Variants in RUNX1 observed in about 807,000 individuals in gnomAD.
RUNX1 encodes RUNX family transcription factor 1, also known as runt-related transcription factor 1.
RUNX1 carries 19 observed loss-of-function variants against 42.8 expected under a neutral mutation model. The observed-to-expected ratio is 0.44, with a 90% confidence interval of 0.31 to 0.65. RUNX1 has a LOEUF of 0.65. Ranked by LOEUF, RUNX1 falls within the 30% of genes least tolerant of loss-of-function variation. The probability of loss-of-function intolerance (pLI) is 0.07; values close to 1 mark genes in which losing one functional copy is unlikely to be tolerated. For missense variants in RUNX1, 528 were observed against 672.0 expected, an observed-to-expected ratio of 0.79 and a Z score of 2.37; for synonymous variants, 271 against 289.4, an observed-to-expected ratio of 0.94 and a Z score of 0.64.
chr21:34,996,370 C>T (rs2058995844), intron 2 of RUNX1, among the ~76,000 whole-genome samples: 1 of 151,946 alleles, frequency 6.6e-6, no homozygotes, highest in Admixed American at 6.6e-5. Context: ...AAGGGTGGGA[C>T]TGGGGTCAGA....
intron 2 of RUNX1, among the ~76,000 whole-genome samples, chr21:35,026,538 A>G (rs1179882021): frequency 6.6e-6 from 1 of 152,054 alleles, no homozygotes; most frequent in Admixed American, 6.6e-5. Context: ...ATTGTTATTT[A>G]TTTATTTATT....
intron 5 of RUNX1, among the ~76,000 whole-genome samples, chr21:34,876,817 T>A (rs1181702570): frequency 6.6e-6 from 1 of 152,168 alleles, no homozygotes; most frequent in East Asian, 1.9e-4. Context: ...ATACTCCAAC[T>A]GGGATGAAGC....
At chr21:35,049,104 T>G in intron 1 of RUNX1, 64 bp downstream of exon 1, 1 of 554,342 alleles carries the variant, frequency 1.8e-6, no homozygotes, top group Non-Finnish European at 3.2e-6. Flanking sequence ...AATATTCAAA[T>G]TGTTAAAGAT....
intron 5 of RUNX1, among the ~76,000 whole-genome samples, chr21:34,871,507 C>T (rs1854572796): frequency 6.6e-6 from 1 of 152,178 alleles, no homozygotes; most frequent in South Asian, 2.1e-4. Context: ...AGAAACTCAA[C>T]CTGCAGCAGG....
chr21:34,825,437 T>C (rs1330195192), intron 7 of RUNX1, among the ~76,000 whole-genome samples: 1 of 151,640 alleles, frequency 6.6e-6, no homozygotes, highest in African/African-American at 2.4e-5. Context: ...TCTGATCTCA[T>C]CTAAAAAAAA....
At position 34,951,211 on chromosome 21, in the gene RUNX1, G is replaced by A. The variant is rs929014963; in HGVS notation, c.59-58248C>T. 1.2e-4 allele frequency among the ~76,000 whole-genome samples: 19 copies of A among 152,266 alleles called. No individual in the cohort carries two copies. The East Asian group carries it at 1.4e-3, about 11-fold the overall frequency. On this transcript the variant is annotated intron_variant, in intron 2 of 8. Coordinates refer to ENST00000675419, the MANE Select transcript of RUNX1 (RefSeq NM_001754.5). ...CACACCATAATGTGTTCTAAAAGTC[G>A]GCGAGAGGTGGAATGACAGCAATCC... is the stretch of plus-strand genomic sequence containing the variant.
chr21:34,915,094 G>A (rs777299277), intron 2 of RUNX1, among the ~76,000 whole-genome samples: 4 of 152,144 alleles, frequency 2.6e-5, no homozygotes, highest in Non-Finnish European at 4.4e-5. Flanking sequence ...GATATTCAAC[G>A]AGACCGCTTT....
chr21:34,808,019 C>G (rs1303548917), intron 7 of RUNX1, among the ~76,000 whole-genome samples: 1 of 152,242 alleles, frequency 6.6e-6, no homozygotes, highest in Non-Finnish European at 1.5e-5. Context: ...GAGCAGTCAC[C>G]TATTCCTACT....
intron 2 of RUNX1, among the ~76,000 whole-genome samples, chr21:35,015,664 T>C (rs1005485986): frequency 2.0e-5 from 3 of 152,154 alleles, no homozygotes; most frequent in Admixed American, 6.5e-5. Flanking sequence ...AGTGATCACA[T>C]AGGAAGGAGG....
At chr21:34,846,694 T>C (rs888553881) in intron 6 of RUNX1, among the ~76,000 whole-genome samples, 2 of 152,202 alleles carry the variant, frequency 1.3e-5, no homozygotes. Flanking sequence ...AGATTCCTTT[T>C]AGAGTTCAAC....
intron 2 of RUNX1, among the ~76,000 whole-genome samples, chr21:35,012,476 A>G (rs1306834670): frequency 6.6e-6 from 1 of 152,222 alleles, no homozygotes; most frequent in Non-Finnish European, 1.5e-5. Flanking sequence ...TAACTCTCAG[A>G]TATTTCTGAA....
At chr21:34,894,737 A>G (rs1320723258) in intron 2 of RUNX1, among the ~76,000 whole-genome samples, 1 of 152,098 alleles carries the variant, frequency 6.6e-6, no homozygotes, top group Non-Finnish European at 1.5e-5. Flanking sequence ...ATGCCAGGCA[A>G]TGGGTGAAGT....
At chr21:34,998,755 A>C (rs558476509) in intron 2 of RUNX1, among the ~76,000 whole-genome samples, 6 of 152,052 alleles carry the variant, frequency 3.9e-5, no homozygotes, top group East Asian at 1.9e-4. Context: ...GTTAGCCAGG[A>C]TGGTCTCAGT....
intron 2 of RUNX1, among the ~76,000 whole-genome samples, chr21:35,047,549 ACACACACACACACTCTCTCTCT>A (rs1311408556): frequency 2.0e-4 from 22 of 107,738 alleles, no homozygotes; most frequent in African/African-American, 8.4e-4. Context: ...ACACACACAC[ACACACACACACACTCTCTCTCT>A]CTCTCTCTCT....
At chr21:34,889,721 C>G (rs1299890292) in intron 3 of RUNX1, 10 of 1,187,246 alleles carry the variant, frequency 8.4e-6, no homozygotes, top group Non-Finnish European at 8.5e-6. Context: ...CGCCGGTCCC[C>G]GCGGTGCTGC....
chr21:34,794,253 G>A (rs1374638217), intron 8 of RUNX1, among the ~76,000 whole-genome samples: 1 of 151,980 alleles, frequency 6.6e-6, no homozygotes, highest in Non-Finnish European at 1.5e-5. Flanking sequence ...ATAGAAAATT[G>A]CCATTTTTAT....
At chr21:34,870,251 G>C (rs1231034760) in intron 5 of RUNX1, among the ~76,000 whole-genome samples, 1 of 152,174 alleles carries the variant, frequency 6.6e-6, no homozygotes, top group Non-Finnish European at 1.5e-5. Context: ...TCTGCCCCAT[G>C]GTGTTGGTGT....
At chr21:34,900,739 A>G (rs1322017337) in intron 2 of RUNX1, among the ~76,000 whole-genome samples, 1 of 152,202 alleles carries the variant, frequency 6.6e-6, no homozygotes, top group East Asian at 1.9e-4. Flanking sequence ...TTGAGCTCGG[A>G]AACAATATTA....
In RUNX1 at chr21:34,787,983, C is replaced by T. The variant is rs931394827; in HGVS notation, c.*4152G>A. On this transcript the variant is annotated 3_prime_UTR_variant, in exon 9 of 9. Coordinates refer to ENST00000675419, the MANE Select transcript of RUNX1 (RefSeq NM_001754.5). ...CCCAGGAGAGGGGAGGCGGCCCACCCGACTGTGTACCGTGGACTGTGGACA... is the reference window on the plus strand; with the variant it reads ...CCCAGGAGAGGGGAGGCGGCCCACCTGACTGTGTACCGTGGACTGTGGACA... 1.2e-4 allele frequency: 27 copies of T among 233,242 alleles called. No homozygotes were observed. The highest frequency in any genetic ancestry group is 1.1e-3 in the Admixed American group (20 of 17,774). 14.4% of individuals were successfully genotyped at this position (233,242 alleles called of 1,614,324 possible).
Sources: allele counts gnomAD v4.1 joint callset (sites outside exome capture counted in the v4.1 genomes callset), GRCh38; gene constraint gnomAD v4.1.1; transcripts MANE v1.5; gene names NCBI Gene and HGNC (gene_info 2026-07-23, HGNC 2026-07-21).